Variants in KALRN observed in about 807,000 individuals in gnomAD.
KALRN encodes kalirin RhoGEF kinase, also known as kalirin.
In KALRN, 70 loss-of-function variants were observed where a neutral mutation model predicts 353.7. The observed-to-expected ratio is 0.20, with a 90% confidence interval of 0.16 to 0.24. The LOEUF (loss-of-function observed/expected upper bound fraction) is 0.24. Ranked by LOEUF, KALRN falls within the 10% of genes least tolerant of loss-of-function variation. The probability of loss-of-function intolerance (pLI) is 1.00; values close to 1 mark genes in which losing one functional copy is unlikely to be tolerated. For synonymous variants in KALRN, 1,391 were observed against 1,434.8 expected (o/e 0.97, Z 0.69); for missense variants, 2,791 against 3,756.7 (o/e 0.74, Z 6.72).
intron 23 of KALRN, among the ~76,000 whole-genome samples, chr3:124,460,433 G>A (rs581577): frequency 0.99 from 150,679 of 152,338 alleles, 74,531 homozygotes; most frequent in East Asian, 1. Context: ...TGCAGGAAGC[G>A]GATGAGAACA....
chr3:124,638,883 G>T (rs2081674601), intron 37 of KALRN, among the ~76,000 whole-genome samples: 1 of 152,094 alleles, frequency 6.6e-6, no homozygotes, highest in Non-Finnish European at 1.5e-5. Context: ...TAGTACAGTA[G>T]CATAAATATA....
At chr3:124,445,349 G>A (rs557951102) in intron 19 of KALRN, among the ~76,000 whole-genome samples, 171 of 152,268 alleles carry the variant, frequency 1.1e-3, no homozygotes, top group African/African-American at 3.9e-3. Flanking sequence ...AAATAAATTT[G>A]ATTGCTTCCA....
At chr3:124,710,377 C>G (rs528667405) in intron 57 of KALRN, among the ~76,000 whole-genome samples, 4 of 152,170 alleles carry the variant, frequency 2.6e-5, no homozygotes, top group Admixed American at 1.3e-4. Flanking sequence ...AGTGGGATGT[C>G]AACAGAAATA....
intron 7 of KALRN, among the ~76,000 whole-genome samples, chr3:124,327,487 A>T (rs765759680): frequency 1.3e-5 from 2 of 152,194 alleles, no homozygotes; most frequent in Non-Finnish European, 2.9e-5. Context: ...TATACAATAC[A>T]GAGTATTGTA....
chr3:124,439,486 G>A (rs1255135717), intron 18 of KALRN, among the ~76,000 whole-genome samples: 1 of 152,094 alleles, frequency 6.6e-6, no homozygotes, highest in Non-Finnish European at 1.5e-5. Flanking sequence ...CTTTCATTCA[G>A]TTGTGTTTGG....
intron 1 of KALRN, among the ~76,000 whole-genome samples, chr3:124,105,325 A>G (rs943303860): frequency 3.3e-5 from 5 of 152,162 alleles, no homozygotes; most frequent in Admixed American, 1.3e-4. Flanking sequence ...TGATTACAAG[A>G]TGCCTGATTC....
Position 124,334,451 on chromosome 3 carries a change from C to A in KALRN, c.1603C>A (p.His535Asn). The A allele has an allele frequency of 6.2e-7, 1 of 1,614,044 alleles. No homozygotes were observed. Among genetic ancestry groups the A allele is most frequent in the Non-Finnish European group, 8.5e-7 (1 of 1,179,924 alleles). The change falls in exon 9 of 60, where the codon CAC (histidine) becomes AAC (asparagine). Residue 535 changes from histidine (H) to asparagine (N), a missense_variant. Transcript: ENST00000682506. The surrounding 1 kb of genome is among the most constrained non-coding windows in gnomAD (Gnocchi z 4.2). ...CTGGCAGCACCGCAAGGTGCGGCTC[C>A]ACCAGCGGCTGCAGCTCTGCGTCTT... Reference protein sequence around the residue: ...SIWQHRKVRLHQRLQLCVFQQ... With the variant: ...SIWQHRKVRLNQRLQLCVFQQ...
At chr3:124,561,850 A>C (rs2072059071) in intron 33 of KALRN, among the ~76,000 whole-genome samples, 1 of 152,158 alleles carries the variant, frequency 6.6e-6, no homozygotes, top group East Asian at 1.9e-4. Flanking sequence ...CTCTTCCAAG[A>C]GGGAGACTGT....
At chr3:124,262,583 C>T (rs1441939568) in intron 3 of KALRN, among the ~76,000 whole-genome samples, 2 of 152,186 alleles carry the variant, frequency 1.3e-5, no homozygotes, top group African/African-American at 4.8e-5. Flanking sequence ...AATACTCATC[C>T]TTTCTCTCAT....
At chr3:124,331,423 A>C (rs182474183) in intron 8 of KALRN, among the ~76,000 whole-genome samples, 134 of 152,318 alleles carry the variant, frequency 8.8e-4, no homozygotes, top group African/African-American at 3.1e-3. Context: ...TGTTCCCCAA[A>C]ACTATTTAAA....
At chr3:124,635,024 A>G (rs2081204178) in intron 36 of KALRN, among the ~76,000 whole-genome samples, 1 of 152,228 alleles carries the variant, frequency 6.6e-6, no homozygotes, top group Non-Finnish European at 1.5e-5. Context: ...CTAGGCCGGA[A>G]GGACAAAGTC....
At position 124,264,564 on chromosome 3, in the gene KALRN, C is replaced by G; in HGVS notation, c.330C>G (p.Ile110Met). The part of the protein sequence containing the change: ...IDMRGSKWDL[I>M]KPLLKTLQEA... ...TGCGGGGCTCCAAGTGGGACCTCATCAAGCCCCTCCTCAAAACGCTGCAGG... is the reference window on the plus strand; with the variant it reads ...TGCGGGGCTCCAAGTGGGACCTCATGAAGCCCCTCCTCAAAACGCTGCAGG... Residue 110 changes from isoleucine to methionine, a missense_variant, in exon 4 of 60, where the codon ATC becomes ATG. Around this residue, in one of 11 missense-constraint regions of KALRN, gnomAD observed 110 missense variants for 204.1 expected, o/e 0.54. Transcript: ENST00000682506. 1.9e-6 allele frequency: 3 copies of G among 1,614,180 alleles called. No individual in the cohort carries two copies. Among genetic ancestry groups the G allele is most frequent in the Non-Finnish European group, 1.7e-6 (2 of 1,180,010 alleles).
chr3:124,085,136 A>G lies in KALRN; in HGVS notation c.73+51323A>G, dbSNP rs77597817. Among the ~76,000 whole-genome samples the G allele has an allele frequency of 2.8e-4, 42 of 152,356 alleles. No individual in the cohort carries two copies. In the East Asian group the frequency reaches 7.7e-3, roughly 28 times the overall value. ...TAAAGCTTGAGGTTTGGGGAGTCAGAGCCCATTGTACAAGGGCAGGGATGG... is the reference window on the plus strand; with the variant it reads ...TAAAGCTTGAGGTTTGGGGAGTCAGGGCCCATTGTACAAGGGCAGGGATGG... On this transcript the variant is annotated intron_variant, in intron 1 of 59. Transcript: ENST00000682506.
intron 34 of KALRN, among the ~76,000 whole-genome samples, chr3:124,603,173 G>A (rs947514118): frequency 4.7e-4 from 72 of 152,080 alleles, no homozygotes; most frequent in Non-Finnish European, 2.5e-4. Context: ...ACCCTAAATA[G>A]CAGAGGCCTG....
At chr3:124,495,984 T>TATATATATATACATAC (rs2063742962) in intron 32 of KALRN, among the ~76,000 whole-genome samples, 1 of 47,010 alleles carries the variant, frequency 2.1e-5, no homozygotes, top group Non-Finnish European at 3.6e-5. Context: ...TATATATATA[T>TATATATATATACATAC]ATATATATAT....
At chr3:124,166,590 C>T (rs1050063925) in intron 1 of KALRN, among the ~76,000 whole-genome samples, 2 of 152,144 alleles carry the variant, frequency 1.3e-5, no homozygotes, top group Non-Finnish European at 2.9e-5. Flanking sequence ...CCAGGACCCA[C>T]ACCTATGGGG....
In KALRN at chr3:124,548,162, G is replaced by C. The variant is rs146626313; in HGVS notation, c.4936-14681G>C. Among the ~76,000 whole-genome samples, 1,383 of 152,156 alleles carry C rather than the reference G, an allele frequency of 9.1e-3. 23 individuals are homozygous for C. The highest frequency in any genetic ancestry group is 0.031 in the African/African-American group (1,286 of 41,514). Reference sequence around the variant, plus strand: ...TTTCAAGTCAAGCTGGCTCTCTCTAGCTACCAAACTCATAACTACAGGGGA... The same window carrying C: ...TTTCAAGTCAAGCTGGCTCTCTCTACCTACCAAACTCATAACTACAGGGGA... On this transcript the variant is annotated intron_variant, in intron 33 of 59. Coordinates refer to ENST00000682506, the MANE Select transcript of KALRN (RefSeq NM_001388419.1).
intron 3 of KALRN, among the ~76,000 whole-genome samples, chr3:124,242,797 G>T (rs921725947): frequency 6.6e-6 from 1 of 152,158 alleles, no homozygotes; most frequent in African/African-American, 2.4e-5. Context: ...GGTGAGGGTG[G>T]TGGTGGTGTT....
At chr3:124,514,290 G>A (rs1577629272) in intron 33 of KALRN, among the ~76,000 whole-genome samples, 1 of 152,144 alleles carries the variant, frequency 6.6e-6, no homozygotes, top group African/African-American at 2.4e-5. Flanking sequence ...GCCAAGGACA[G>A]AATCCCCCAC....
Sources: allele counts gnomAD v4.1 joint callset (sites outside exome capture counted in the v4.1 genomes callset), GRCh38; gene constraint gnomAD v4.1.1; regional missense constraint gnomAD v4.1.1; non-coding constraint Gnocchi (gnomAD v3.1); transcripts MANE v1.5; gene names NCBI Gene and HGNC (gene_info 2026-07-23, HGNC 2026-07-21).